Variants in XPNPEP1 observed in about 807,000 individuals in gnomAD.
The protein encoded by XPNPEP1 is xaa-Pro aminopeptidase 1.
Under a neutral mutation model 92.4 loss-of-function variants are expected in XPNPEP1, and 39 were observed. The ratio of observed to expected loss-of-function variants is 0.42; its 90% confidence interval spans 0.33 to 0.55. XPNPEP1 has a LOEUF of 0.55. XPNPEP1 is among the 20% of genes least tolerant of loss of function. The pLI is 0.08. For synonymous variants in XPNPEP1, 307 were observed against 299.4 expected (o/e 1.03, Z -0.26); for missense variants, 654 against 856.1 (o/e 0.76, Z 2.95).
intron 1 of XPNPEP1, among the ~76,000 whole-genome samples, chr10:109,918,044 G>C (rs1175787594): frequency 6.6e-6 from 1 of 151,770 alleles, no homozygotes; most frequent in African/African-American, 2.4e-5. Flanking sequence ...AGCCCTGGAG[G>C]TCAAGGCTGC....
intron 1 of XPNPEP1, among the ~76,000 whole-genome samples, chr10:109,921,345 C>T (rs1225996226): frequency 6.6e-6 from 1 of 152,176 alleles, no homozygotes; most frequent in South Asian, 2.1e-4. Flanking sequence ...CTTCCCAGAA[C>T]TTCTTCGACC....
chr10:109,870,705 A>T, intron 18 of XPNPEP1, 26 bp downstream of exon 18: 5 of 1,607,826 alleles, frequency 3.1e-6, no homozygotes, highest in Non-Finnish European at 4.3e-6. Context: ...GGATCCACGC[A>T]TGCCCTCTAT....
Position 109,867,606 on chromosome 10 carries a change from T to TA in XPNPEP1, c.1872+1007dup, listed in dbSNP as rs1847211020. 6.6e-6 allele frequency among the ~76,000 whole-genome samples: 1 copy of TA among 152,216 alleles called. No individual in the cohort carries two copies. On this transcript the variant is annotated intron_variant, in intron 20 of 20. Coordinates refer to ENST00000502935, the MANE Select transcript of XPNPEP1 (RefSeq NM_020383.4). The surrounding 1 kb of genome is among the most constrained non-coding windows in gnomAD (Gnocchi z 4.5). ...CAGCTCCTGTGGAAGGGAAGGTCCT[T>TA]AACCCCCAAAGACCCTTTCCTTTAC...
chr10:109,917,766 T>C (rs971245906), intron 1 of XPNPEP1, among the ~76,000 whole-genome samples: 2 of 152,144 alleles, frequency 1.3e-5, no homozygotes, highest in Non-Finnish European at 2.9e-5. Flanking sequence ...AAGAATGGAC[T>C]TACAAATGAG....
At chr10:109,887,991 A>G in intron 7 of XPNPEP1, 58 bp downstream of exon 7, 1 of 1,598,060 alleles carries the variant, frequency 6.3e-7, no homozygotes, top group Non-Finnish European at 8.5e-7. Flanking sequence ...TGGAGACAAT[A>G]GCAAGAGGTG....
intron 16 of XPNPEP1, 61 bp from the exon 17 acceptor site, chr10:109,871,922 T>G: frequency 6.6e-7 from 1 of 1,507,698 alleles, no homozygotes. Context: ...CCTGTAGTTT[T>G]CTGGTAGTTC....
rs539926082 is a variant in XPNPEP1, at chr10:109,923,259, C to A, written c.32+143G>T. The A allele has an allele frequency of 4.2e-6, 5 of 1,187,610 alleles. No individual in the cohort carries two copies. The South Asian group carries it at 1.8e-4, about 43-fold the overall frequency. The allele number at this position is 1,187,610 out of a possible 1,614,324, so 73.6% of individuals were successfully genotyped here. ...CCTTCCCCCGGCTCCTGTTCCGGGGCTCCGGCGAGCGCGGCCCTCGCCAGA... is the reference window on the plus strand; with the variant it reads ...CCTTCCCCCGGCTCCTGTTCCGGGGATCCGGCGAGCGCGGCCCTCGCCAGA... On this transcript the variant is annotated intron_variant, in intron 1 of 20. Coordinates refer to ENST00000502935, the MANE Select transcript of XPNPEP1 (RefSeq NM_020383.4).
chr10:109,875,475 C>T (rs1847735205), intron 15 of XPNPEP1, 53 bp downstream of exon 15: 9 of 1,569,404 alleles, frequency 5.7e-6, no homozygotes, highest in Admixed American at 1.7e-5. Context: ...TGTCCACCTT[C>T]TCCACTGCCT....
In XPNPEP1 at chr10:109,867,150, G is replaced by A. The variant is rs1237924213; in HGVS notation, c.1872+1464C>T. ...TGGAAAGCCCCTTGCTAAGTCCCTG[G>A]AAGCTGTGCCCAAGGGCCATTACAA... is the stretch of plus-strand genomic sequence containing the variant. On this transcript the variant is annotated intron_variant, in intron 20 of 20. Coordinates refer to ENST00000502935, the MANE Select transcript of XPNPEP1 (RefSeq NM_020383.4). This position sits in a 1 kb window ranked among gnomAD's most constrained non-coding sequence, Gnocchi z 4.5. 6.6e-6 allele frequency among the ~76,000 whole-genome samples: 1 copy of A among 152,210 alleles called. No individual in the cohort carries two copies. The highest frequency in any genetic ancestry group is 1.9e-4 in the East Asian group (1 of 5,194).
intron 3 of XPNPEP1, among the ~76,000 whole-genome samples, chr10:109,895,584 T>TG (rs1848944909): frequency 6.6e-6 from 1 of 152,228 alleles, no homozygotes; most frequent in African/African-American, 2.4e-5. Context: ...TGACAGGCTA[T>TG]GCAGAAGCCA....
At chr10:109,896,433 C>CA (rs550340862) in intron 3 of XPNPEP1, among the ~76,000 whole-genome samples, 2 of 121,786 alleles carry the variant, frequency 1.6e-5, no homozygotes, top group Non-Finnish European at 3.3e-5. Context: ...AGGCACACAC[C>CA]TTTTTTTTTT....
At position 109,903,552 on chromosome 10, in the gene XPNPEP1, T is replaced by C. The variant is rs74780260; in HGVS notation, c.246+4139A>G. Among the ~76,000 whole-genome samples, 562 of 152,264 alleles carry C rather than the reference T, an allele frequency of 3.7e-3. 27 individuals are homozygous for C. In the East Asian group the frequency reaches 0.094, roughly 26 times the overall value. On this transcript the variant is annotated intron_variant, in intron 3 of 20. Coordinates refer to ENST00000502935, the MANE Select transcript of XPNPEP1 (RefSeq NM_020383.4). ...TGCTTGAAGGGCAGAAAATTAAAAA[T>C]GCCACTGGTGAATCCAGCAGAGAAT... is the stretch of plus-strand genomic sequence containing the variant.
chr10:109,891,509 T>C (rs1190575646), intron 5 of XPNPEP1: 3 of 417,330 alleles, frequency 7.2e-6, no homozygotes, highest in African/African-American at 6.2e-5. Context: ...TTCCCCTCAG[T>C]AAAATAAGTA....
intron 3 of XPNPEP1, among the ~76,000 whole-genome samples, chr10:109,899,313 C>T (rs983610942): frequency 6.6e-6 from 1 of 152,128 alleles, no homozygotes; most frequent in Non-Finnish European, 1.5e-5. Flanking sequence ...AGAGGTGATA[C>T]CTGGGTCGGG....
chr10:109,906,000 G>A (rs957463684), intron 3 of XPNPEP1, among the ~76,000 whole-genome samples: 1 of 152,202 alleles, frequency 6.6e-6, no homozygotes, highest in African/African-American at 2.4e-5. Flanking sequence ...TTGTTCCCAG[G>A]TTAATACAGG....
At chr10:109,895,913 T>C (rs980070658) in intron 3 of XPNPEP1, among the ~76,000 whole-genome samples, 2 of 152,162 alleles carry the variant, frequency 1.3e-5, no homozygotes, top group African/African-American at 4.8e-5. Flanking sequence ...CTTAAAACCC[T>C]CCAATGGCTT....
chr10:109,923,388 C>T lies in XPNPEP1; in HGVS notation c.32+14G>A. 1 of 1,431,964 alleles carries T rather than the reference C, an allele frequency of 7.0e-7. No homozygotes were observed. Among genetic ancestry groups the T allele is most frequent in the Non-Finnish European group, 9.2e-7 (1 of 1,091,976 alleles). 88.7% of individuals were successfully genotyped at this position (1,431,964 alleles called of 1,614,324 possible). A position where few individuals can be genotyped will look rare whatever the true frequency, so the allele number is the denominator to read the frequency against. On this transcript the variant is annotated intron_variant, in intron 1 of 20. Coordinates refer to ENST00000502935, the MANE Select transcript of XPNPEP1 (RefSeq NM_020383.4). Reference sequence around the variant, plus strand: ...ACGCTGCCCGGACGCCGGCTGCCGGCGGAGTGCCCTCACCTTACTCGCGGT... The same window carrying T: ...ACGCTGCCCGGACGCCGGCTGCCGGTGGAGTGCCCTCACCTTACTCGCGGT...
intron 9 of XPNPEP1, among the ~76,000 whole-genome samples, chr10:109,883,163 C>G (rs959864657): frequency 7.9e-5 from 12 of 152,164 alleles, no homozygotes; most frequent in African/African-American, 2.9e-4. Context: ...GCCCACAAGG[C>G]CTCTCTTTTC....
chr10:109,886,972 C>G (rs1564764312), intron 7 of XPNPEP1, among the ~76,000 whole-genome samples: 1 of 152,190 alleles, frequency 6.6e-6, no homozygotes, highest in African/African-American at 2.4e-5. Context: ...CTCTGTTGCT[C>G]TGCAAGATGA....
Sources: gnomAD v4.1 joint callset for allele counts (sites outside exome capture counted in the v4.1 genomes callset) on GRCh38, gnomAD v4.1.1 for gene constraint, Gnocchi (gnomAD v3.1) non-coding constraint, MANE v1.5 for transcripts, NCBI Gene and HGNC (gene_info 2026-07-23, HGNC 2026-07-21) for gene names.